Variants in GRID2 observed in about 807,000 individuals in gnomAD.
The protein encoded by GRID2 is glutamate receptor ionotropic, delta-2.
Under a neutral mutation model 114.8 loss-of-function variants are expected in GRID2, and 33 were observed. That is an observed-to-expected ratio of 0.29 (90% CI 0.22 to 0.38). GRID2 has a LOEUF of 0.38. GRID2 is among the 10% of genes least tolerant of loss of function. GRID2 has a pLI of 1.00. For synonymous variants in GRID2, 505 were observed against 449.9 expected (o/e 1.12, Z -1.55); for missense variants, 1,184 against 1,257.7 (o/e 0.94, Z 0.89).
chr4:92,846,632 T>A (rs977958602), intron 2 of GRID2, among the ~76,000 whole-genome samples: 2 of 152,136 alleles, frequency 1.3e-5, no homozygotes, highest in Non-Finnish European at 2.9e-5. Flanking sequence ...TCTACCTTTG[T>A]TTTGTCTAAT....
At chr4:93,781,552 G>A (rs992498198) in intron 1 of GRID2, among the ~76,000 whole-genome samples, 35 of 152,126 alleles carry the variant, frequency 2.3e-4, no homozygotes, top group Non-Finnish European at 4.7e-4. Context: ...TCAGTCGGGG[G>A]TTGGTTCCAG....
chr4:93,463,131 A>G (rs146945156), intron 11 of GRID2, among the ~76,000 whole-genome samples: 1 of 152,298 alleles, frequency 6.6e-6, no homozygotes, highest in East Asian at 1.9e-4. Context: ...GAATTGCCCC[A>G]TGCTGATTTA....
At chr4:93,713,234 C>A (rs1367326103) in intron 14 of GRID2, among the ~76,000 whole-genome samples, 4 of 152,046 alleles carry the variant, frequency 2.6e-5, no homozygotes, top group African/African-American at 9.7e-5. Context: ...AATATAAGTT[C>A]ATTTTACAAC....
intron 14 of GRID2, among the ~76,000 whole-genome samples, chr4:93,690,102 T>C (rs1726425248): frequency 6.6e-6 from 1 of 151,986 alleles, no homozygotes; most frequent in Admixed American, 6.6e-5. Flanking sequence ...GCAAATCTTT[T>C]AAAATCTGTA....
chr4:93,251,337 C>G (rs17420773), intron 8 of GRID2, among the ~76,000 whole-genome samples: 23,112 of 152,102 alleles, frequency 0.15, 2,300 homozygotes, highest in Middle Eastern at 0.25. Context: ...TATAACCTCA[C>G]ATGCACAAAA....
At chr4:93,206,591 TACACACACACAC>T (rs5860312) in intron 4 of GRID2, among the ~76,000 whole-genome samples, 174 of 143,040 alleles carry the variant, frequency 1.2e-3, no homozygotes, top group Non-Finnish European at 2.2e-3. Context: ...CTGCCCCTAC[TACACACACACAC>T]ACACACACAC....
At position 92,715,335 on chromosome 4, in the gene GRID2, C is replaced by T. The variant is rs137943748; in HGVS notation, c.244+125049C>T. Among the ~76,000 whole-genome samples, 1,245 of 152,246 alleles carry T rather than the reference C, an allele frequency of 8.2e-3. 6 individuals carry two copies. The highest frequency in any genetic ancestry group is 0.013 in the Non-Finnish European group (859 of 68,002). On this transcript the variant is annotated intron_variant, in intron 2 of 15. Transcript: ENST00000282020. ...GCATTTTGGTCAAAGCCATTCAACA[C>T]GACTTTAGGGAATTCCAAACACTCC...
chr4:93,794,610 C>G (rs1294622673), intron 1 of GRID2, among the ~76,000 whole-genome samples: 7 of 152,190 alleles, frequency 4.6e-5, no homozygotes, highest in Non-Finnish European at 1.5e-5. Flanking sequence ...GAGCCTTTCT[C>G]AAATCTGATG....
intron 14 of GRID2, among the ~76,000 whole-genome samples, chr4:93,762,378 A>G (rs1433501650): frequency 6.6e-6 from 1 of 152,172 alleles, no homozygotes; most frequent in East Asian, 1.9e-4. Context: ...TGGTTATTTT[A>G]TCCTCACGAA....
chr4:92,711,833 G>A (rs757003624), intron 2 of GRID2, among the ~76,000 whole-genome samples: 2 of 152,148 alleles, frequency 1.3e-5, no homozygotes, highest in South Asian at 4.1e-4. Context: ...AACCCAGAAG[G>A]TTGAGGCTGC....
At chr4:93,789,159 C>T (rs1734648137) in intron 1 of GRID2, among the ~76,000 whole-genome samples, 1 of 152,104 alleles carries the variant, frequency 6.6e-6, no homozygotes, top group African/African-American at 2.4e-5. Context: ...GATAAATGAC[C>T]TAAACACAGT....
intron 8 of GRID2, among the ~76,000 whole-genome samples, chr4:93,335,522 A>G (rs1579722040): frequency 1.3e-5 from 2 of 152,206 alleles, no homozygotes; most frequent in South Asian, 4.1e-4. Flanking sequence ...GGCACAGGCA[A>G]TACAAACCTA....
At chr4:92,502,036 A>G (rs1210140997) in intron 1 of GRID2, among the ~76,000 whole-genome samples, 3 of 152,106 alleles carry the variant, frequency 2.0e-5, no homozygotes, top group Non-Finnish European at 4.4e-5. Context: ...AGCTTAACTA[A>G]TATATGTATC....
intron 3 of GRID2, among the ~76,000 whole-genome samples, chr4:93,106,907 A>C (rs1214510171): frequency 1.3e-5 from 2 of 152,182 alleles, no homozygotes; most frequent in Non-Finnish European, 2.9e-5. Context: ...CTAACAATAA[A>C]GGAATTACAA....
intron 9 of GRID2, among the ~76,000 whole-genome samples, chr4:93,396,877 A>G (rs1296120235): frequency 6.6e-6 from 1 of 152,024 alleles, no homozygotes; most frequent in Admixed American, 6.6e-5. Flanking sequence ...AATGTGTTTA[A>G]TCATGTGCTA....
chr4:93,741,797 G>A (rs771957331), intron 14 of GRID2, among the ~76,000 whole-genome samples: 9 of 151,914 alleles, frequency 5.9e-5, no homozygotes, highest in African/African-American at 1.2e-4. Flanking sequence ...GGTGGTGCAC[G>A]CCTGTAATCC....
At chr4:93,582,297 CTG>C (rs970869522) in intron 13 of GRID2, among the ~76,000 whole-genome samples, 8 of 152,158 alleles carry the variant, frequency 5.3e-5, no homozygotes, top group Admixed American at 1.3e-4. Flanking sequence ...ACCCTCCTGA[CTG>C]TCTCTTAAAA....
At chr4:92,748,534 G>A (rs1737268296) in intron 2 of GRID2, among the ~76,000 whole-genome samples, 1 of 151,930 alleles carries the variant, frequency 6.6e-6, no homozygotes, top group Non-Finnish European at 1.5e-5. Flanking sequence ...ACAGTATATT[G>A]TCCAAGAGTA....
At chr4:93,224,069 T>A (rs1393680414) in intron 6 of GRID2, among the ~76,000 whole-genome samples, 1 of 152,164 alleles carries the variant, frequency 6.6e-6, no homozygotes, top group Non-Finnish European at 1.5e-5. Context: ...ATCACTATAA[T>A]ACATATAAAA....
Sources: gnomAD v4.1 joint callset for allele counts (sites outside exome capture counted in the v4.1 genomes callset) on GRCh38, gnomAD v4.1.1 for gene constraint, MANE v1.5 for transcripts, NCBI Gene and HGNC (gene_info 2026-07-23, HGNC 2026-07-21) for gene names.